Variants in GRIP1 observed in about 807,000 individuals in gnomAD.
GRIP1 encodes glutamate receptor-interacting protein 1.
Under a neutral mutation model 129.9 loss-of-function variants are expected in GRIP1, and 45 were observed. The ratio of observed to expected loss-of-function variants is 0.35; its 90% CI spans 0.27 to 0.44. GRIP1 has a LOEUF of 0.44. GRIP1 is among the 20% of genes least tolerant of loss of function. GRIP1 has a pLI of 1.00. For missense variants in GRIP1, 1,196 were observed against 1,396.8 expected, an observed-to-expected ratio of 0.86 and a Z score of 2.29; for synonymous variants, 530 against 520.8, an observed-to-expected ratio of 1.02 and a Z score of -0.24.
intron 1 of GRIP1, among the ~76,000 whole-genome samples, chr12:66,914,688 G>T (rs1457103093): frequency 6.6e-6 from 1 of 152,176 alleles, no homozygotes; most frequent in African/African-American, 2.4e-5. Flanking sequence ...CGTTTCTCTG[G>T]TGAGGGGTTT....
rs551222428 is a variant in GRIP1 at position 66,749,928 on chromosome 12, A to G, written c.-420+54125T>C. ...TCTCTTAATGCCTTGCCTAATACAA[A>G]AGCAGATTATTTCATCTCATAGTCT... On this transcript the variant is annotated intron_variant, in intron 1 of 4. Coordinates refer to the GRIP1 transcript ENST00000538373. Among the ~76,000 whole-genome samples the G allele has an allele frequency of 9.9e-5, 15 of 152,250 alleles. No individual in the cohort carries two copies. The East Asian group carries it at 2.7e-3, about 27-fold the overall frequency.
At chr12:66,856,701 A>T (rs2040011159) in intron 1 of GRIP1, among the ~76,000 whole-genome samples, 1 of 151,628 alleles carries the variant, frequency 6.6e-6, no homozygotes, top group South Asian at 2.1e-4. Context: ...TAGAATGGTG[A>T]TCATTAAAAA....
chr12:66,855,450 C>T (rs912607912), intron 1 of GRIP1, among the ~76,000 whole-genome samples: 5 of 151,950 alleles, frequency 3.3e-5, no homozygotes, highest in South Asian at 2.1e-4. Context: ...TACACTTTCA[C>T]GGAGTGTGTG....
intron 2 of GRIP1, among the ~76,000 whole-genome samples, chr12:66,588,052 A>G (rs1259639980): frequency 1.3e-5 from 2 of 152,002 alleles, no homozygotes; most frequent in South Asian, 4.2e-4. Context: ...AAGACTGACT[A>G]TGATGCCACA....
intron 1 of GRIP1, among the ~76,000 whole-genome samples, chr12:66,825,505 G>T (rs1439614675): frequency 6.6e-6 from 1 of 152,088 alleles, no homozygotes; most frequent in African/African-American, 2.4e-5. Context: ...TTCACTTTGG[G>T]TGCCATCCTA....
At chr12:66,655,940 A>C (rs1166054885) in intron 1 of GRIP1, among the ~76,000 whole-genome samples, 1 of 152,192 alleles carries the variant, frequency 6.6e-6, no homozygotes, top group Non-Finnish European at 1.5e-5. Context: ...ATGTTAATAC[A>C]AAGAGAGCTA....
intron 1 of GRIP1, among the ~76,000 whole-genome samples, chr12:66,650,064 C>T (rs1388485740): frequency 6.6e-6 from 1 of 152,156 alleles, no homozygotes; most frequent in African/African-American, 2.4e-5. Flanking sequence ...CTTTGCCTGT[C>T]GTGCCCAACG....
chr12:66,536,320 G>A (rs1230784793), intron 4 of GRIP1, among the ~76,000 whole-genome samples: 1 of 152,124 alleles, frequency 6.6e-6, no homozygotes, highest in African/African-American at 2.4e-5. Flanking sequence ...AAACCATATA[G>A]TGACTTCCTG....
chr12:66,517,960 A>C lies in GRIP1; in HGVS notation c.519T>G (p.Asp173Glu). ...TCACAACTGGACGAGATTTATTTCT[A>C]TCATCATGTGCTCCCCCTAGCAAAG... is the stretch of plus-strand genomic sequence containing the variant. ...GFVIRGGAHDDRNKSRPVVIT... is the reference protein window; with the variant it reads ...GFVIRGGAHDERNKSRPVVIT... Residue 173 changes from aspartate to glutamate, a missense_variant, in exon 6 of 25, where the codon GAT (aspartate) becomes GAG (glutamate). Physicochemically the swap from Asp to Glu is conservative, Grantham distance 45. This residue lies in a region of GRIP1 where 217 missense variants were observed against 224.8 expected (regional missense o/e 0.97). Transcript: ENST00000359742. The C allele has an allele frequency of 6.3e-7, 1 of 1,590,168 alleles. No individual in the cohort carries two copies. Among genetic ancestry groups the C allele is most frequent in the East Asian group, 2.2e-5 (1 of 44,780 alleles).
intron 1 of GRIP1, among the ~76,000 whole-genome samples, chr12:67,034,448 C>T (rs137959068): frequency 6.6e-6 from 1 of 152,160 alleles, no homozygotes; most frequent in Non-Finnish European, 1.5e-5. Context: ...ACCCATACAG[C>T]CTGTTACAGT....
chr12:66,650,147 T>C (rs983984032), intron 1 of GRIP1, among the ~76,000 whole-genome samples: 26 of 152,198 alleles, frequency 1.7e-4, no homozygotes, highest in African/African-American at 6.0e-4. Flanking sequence ...TAGCTCCACA[T>C]CCAAGGGAGG....
At chr12:66,788,553 T>A (rs1009038957) in intron 1 of GRIP1, among the ~76,000 whole-genome samples, 24 of 146,644 alleles carry the variant, frequency 1.6e-4, no homozygotes, top group African/African-American at 3.7e-4. Context: ...AAATTAAATT[T>A]AAAAAAAAAA....
chr12:67,019,942 A>ATAAGACTTATAAG (rs2135740352), intron 1 of GRIP1, among the ~76,000 whole-genome samples: 1 of 152,322 alleles, frequency 6.6e-6, no homozygotes, highest in East Asian at 1.9e-4. Context: ...ACTTATAAGA[A>ATAAGACTTATAAG]ACAAACATTA....
intron 1 of GRIP1, among the ~76,000 whole-genome samples, chr12:66,931,367 C>T (rs888525209): frequency 3.9e-5 from 6 of 152,136 alleles, no homozygotes; most frequent in African/African-American, 1.4e-4. Flanking sequence ...AGGCCCCTGA[C>T]ATCCTTGGAA....
intron 2 of GRIP1, among the ~76,000 whole-genome samples, chr12:66,596,248 A>G (rs535885018): frequency 6.0e-4 from 92 of 152,338 alleles, no homozygotes; most frequent in Non-Finnish European, 1.1e-3. Context: ...TTCACAAATC[A>G]AAGCTTCAAA....
chr12:66,592,923 C>T (rs2063900246), intron 2 of GRIP1, among the ~76,000 whole-genome samples: 2 of 152,036 alleles, frequency 1.3e-5, no homozygotes, highest in South Asian at 2.1e-4. Flanking sequence ...GTTCTGAATA[C>T]CTTTGTCCTT....
intron 7 of GRIP1, among the ~76,000 whole-genome samples, chr12:66,470,593 G>GAGAAT (rs1408403870): frequency 2.6e-5 from 4 of 152,136 alleles, no homozygotes; most frequent in Non-Finnish European, 5.9e-5. Context: ...TTGGCTCTAG[G>GAGAAT]AGAATCTACC....
chr12:66,645,195 GT>G (rs2032260218), intron 1 of GRIP1, among the ~76,000 whole-genome samples: 1 of 152,162 alleles, frequency 6.6e-6, no homozygotes, highest in Non-Finnish European at 1.5e-5. Flanking sequence ...ATAGTATAGA[GT>G]TTTTAAATTA....
At chr12:66,496,042 C>T (rs1202492217) in intron 7 of GRIP1, among the ~76,000 whole-genome samples, 2 of 152,186 alleles carry the variant, frequency 1.3e-5, no homozygotes, top group African/African-American at 2.4e-5. Context: ...ATGATAACCA[C>T]TCCTTTCCAC....
Sources: gnomAD v4.1 joint callset for allele counts (sites outside exome capture counted in the v4.1 genomes callset) on GRCh38, gnomAD v4.1.1 for gene constraint, gnomAD v4.1.1 regional missense constraint, MANE v1.5 for transcripts, NCBI Gene and HGNC (gene_info 2026-07-23, HGNC 2026-07-21) for gene names.